SNX4: variants seen among roughly 807,000 people sequenced by gnomAD.
SNX4 encodes the protein sorting nexin-4.
A neutral mutation model predicts 70.8 loss-of-function variants in SNX4; 49 were observed. The ratio of observed to expected loss-of-function variants is 0.69; its 90% CI spans 0.55 to 0.88. SNX4 has a LOEUF of 0.88. Among genes scored for constraint, SNX4 ranks in the 40% least tolerant of loss-of-function variants. The pLI, the probability that SNX4 is intolerant of heterozygous loss-of-function variation, is 0.00. For synonymous variants in SNX4, 206 were observed against 183.8 expected, an observed-to-expected ratio of 1.12 and a Z score of -0.98; for missense variants, 528 against 544.8, an observed-to-expected ratio of 0.97 and a Z score of 0.31.
chr3:125,455,789 G>A (rs1014980501), intron 11 of SNX4, among the ~76,000 whole-genome samples: 7 of 152,062 alleles, frequency 4.6e-5, no homozygotes, highest in African/African-American at 1.2e-4. Flanking sequence ...CGAGGCGGGC[G>A]GATCACGAGG....
intron 6 of SNX4, among the ~76,000 whole-genome samples, chr3:125,487,010 G>C (rs1293470983): frequency 6.6e-6 from 1 of 152,112 alleles, no homozygotes; most frequent in African/African-American, 2.4e-5. Context: ...CCACTCACTT[G>C]CTCTTAACAG....
chr3:125,505,651 G>A (rs930066813), intron 1 of SNX4, among the ~76,000 whole-genome samples: 4 of 152,178 alleles, frequency 2.6e-5, no homozygotes, highest in African/African-American at 9.7e-5. Context: ...AGGCACAGAC[G>A]AAGTGGTGGT....
rs778518316 is a variant in SNX4, at chr3:125,464,564, C to CTTTTTT, written c.855-3710_855-3705dup. Among the ~76,000 whole-genome samples the CTTTTTT allele has an allele frequency of 1.6e-4, 11 of 67,054 alleles. 1 individual carries two copies. The highest frequency in any genetic ancestry group is 4.2e-4 in the Admixed American group (2 of 4,792). 44.0% of individuals were successfully genotyped at this position (67,054 alleles called of 152,430 possible). On this transcript the variant is annotated intron_variant, in intron 9 of 13. Coordinates refer to ENST00000251775, the MANE Select transcript of SNX4 (RefSeq NM_003794.4). ...CTGTTCCATTGATCTATTTATCTTT[C>CTTTTTT]TTTTTTTTTTTTTTTTTTTTTTTTT...
At chr3:125,496,474 C>G (rs561445619) in intron 5 of SNX4, among the ~76,000 whole-genome samples, 1 of 152,158 alleles carries the variant, frequency 6.6e-6, no homozygotes, top group South Asian at 2.1e-4. Context: ...AAATTTTCTT[C>G]TTCTTGTCTA....
intron 1 of SNX4, among the ~76,000 whole-genome samples, chr3:125,510,284 G>A (rs939023792): frequency 2.6e-5 from 4 of 151,056 alleles, no homozygotes; most frequent in Non-Finnish European, 5.9e-5. Context: ...CCAGGCTGGA[G>A]TGCAGTGGTG....
At chr3:125,469,629 C>T in intron 8 of SNX4, 110 bp from the exon 9 acceptor site, 3 of 736,388 alleles carry the variant, frequency 4.1e-6, no homozygotes, top group Non-Finnish European at 6.9e-6. Context: ...TAATGTATAG[C>T]ACCCGTATTT....
In SNX4 at chr3:125,471,344, C is replaced by CAAAAAAAAAAAAAAAAAAAAAAAAAAAAA. The variant is rs767432586; in HGVS notation, c.789-1826_789-1825insTTTTTTTTTTTTTTTTTTTTTTTTTTTTT. ...GGGCAACAAGAGCAAAGCTCCATCT[C>CAAAAAAAAAAAAAAAAAAAAAAAAAAAAA]AAAAAAAAAAAAAAAAAAAAAAAAA... On this transcript the variant is annotated intron_variant, in intron 8 of 13. Transcript: ENST00000251775. Among the ~76,000 whole-genome samples the CAAAAAAAAAAAAAAAAAAAAAAAAAAAAA allele has an allele frequency of 5.0e-4, 14 of 28,164 alleles. 3 individuals are homozygous for CAAAAAAAAAAAAAAAAAAAAAAAAAAAAA. The highest frequency in any genetic ancestry group is 2.0e-3 in the African/African-American group (11 of 5,458). The allele number at this position is 28,164 out of a possible 152,430, so 18.5% of individuals were successfully genotyped here.
chr3:125,498,090 T>C lies in SNX4; in HGVS notation c.368A>G (p.His123Arg). Reference protein sequence around the residue: ...LRSYLLVYYPHIVVPPLPEKR... With the variant: ...LRSYLLVYYPRIVVPPLPEKR... ...TTCTGGCAGAGGTGGCACAACAATA[T>C]GTGGATAGTAAACTAAAAGGTAGCT... Residue 123 changes from histidine to arginine, a missense_variant, in exon 3 of 14, where the codon CAT (histidine) becomes CGT (arginine). His to Arg is a conservative substitution (Grantham distance 29). Coordinates refer to ENST00000251775, the MANE Select transcript of SNX4 (RefSeq NM_003794.4). 1 of 1,614,184 alleles carries C rather than the reference T, an allele frequency of 6.2e-7. No homozygotes were observed. The highest frequency in any genetic ancestry group is 8.5e-7 in the Non-Finnish European group (1 of 1,180,018).
chr3:125,507,208 A>G lies in SNX4; in HGVS notation c.142-2464T>C, dbSNP rs1024566816. ...GGGTGATAGAAAAAAAAAAAAAAAAAAAAGAAACCAAAAAGAAATTCTGGA... is the reference window on the plus strand; with the variant it reads ...GGGTGATAGAAAAAAAAAAAAAAAAGAAAGAAACCAAAAAGAAATTCTGGA... On this transcript the variant is annotated intron_variant, in intron 1 of 13. Transcript: ENST00000251775. 4.7e-4 allele frequency among the ~76,000 whole-genome samples: 72 copies of G among 151,620 alleles called. No individual in the cohort carries two copies. The East Asian group carries it at 0.011, about 22-fold the overall frequency.
chr3:125,492,631 C>T (rs1934688241), intron 5 of SNX4, among the ~76,000 whole-genome samples: 1 of 152,180 alleles, frequency 6.6e-6, no homozygotes, highest in African/African-American at 2.4e-5. Context: ...CTTTATACTA[C>T]TTATCACTAT....
chr3:125,495,575 C>T (rs1261220207), intron 5 of SNX4, among the ~76,000 whole-genome samples: 3 of 150,414 alleles, frequency 2.0e-5, no homozygotes, highest in African/African-American at 7.5e-5. Flanking sequence ...TAAGGCTCCC[C>T]CACAATGAAA....
intron 10 of SNX4, among the ~76,000 whole-genome samples, chr3:125,458,706 C>A (rs1294940269): frequency 2.7e-5 from 4 of 149,176 alleles, no homozygotes; most frequent in Admixed American, 6.8e-5. Context: ...CCCAGCTACG[C>A]GGGAGGCTGA....
intron 1 of SNX4, among the ~76,000 whole-genome samples, chr3:125,510,395 A>AT (rs1935145325): frequency 6.6e-6 from 1 of 151,016 alleles, no homozygotes; most frequent in African/African-American, 2.4e-5. Context: ...ACGCCCGGCT[A>AT]TTTTTTTGTA....
At chr3:125,482,753 G>A (rs1209429301) in intron 6 of SNX4, among the ~76,000 whole-genome samples, 1 of 151,998 alleles carries the variant, frequency 6.6e-6, no homozygotes, top group African/African-American at 2.4e-5. Context: ...AAATAAAGAG[G>A]CAGTGGTGAA....
Position 125,495,277 on chromosome 3 carries a change from T to TATATATATATACAC in SNX4, c.597+2063_597+2064insGTGTATATATATAT. Among the ~76,000 whole-genome samples the TATATATATATACAC allele has an allele frequency of 5.6e-3, 560 of 99,498 alleles. 22 individuals are homozygous for TATATATATATACAC. Among genetic ancestry groups the TATATATATATACAC allele is most frequent in the Middle Eastern group, 0.017 (3 of 180 alleles). The allele number at this position is 99,498 out of a possible 152,430, so 65.3% of individuals were successfully genotyped here. Reference sequence around the variant, plus strand: ...ATATATATATATATATATATATATATACACATACACACACACACACGTATG... The same window carrying TATATATATATACAC: ...ATATATATATATATATATATATATATATATATATATACACACACATACACACACACACACGTATG... On this transcript the variant is annotated intron_variant, in intron 5 of 13. Transcript: ENST00000251775.
At chr3:125,464,781 C>T (rs1467513070) in intron 9 of SNX4, among the ~76,000 whole-genome samples, 1 of 151,916 alleles carries the variant, frequency 6.6e-6, no homozygotes. Flanking sequence ...CTTGCTCTGT[C>T]ACCCAGGTTG....
chr3:125,467,971 C>G (rs1458211586), intron 9 of SNX4, among the ~76,000 whole-genome samples: 2 of 152,024 alleles, frequency 1.3e-5, no homozygotes, highest in Non-Finnish European at 2.9e-5. Flanking sequence ...TTCACAATAG[C>G]GAAGACATGG....
intron 1 of SNX4, among the ~76,000 whole-genome samples, chr3:125,514,454 T>C (rs1471458321): frequency 6.6e-6 from 1 of 150,698 alleles, no homozygotes; most frequent in Non-Finnish European, 1.5e-5. Flanking sequence ...TGCAGTGGCA[T>C]GATCACAGCT....
At chr3:125,519,342 A>G (rs992150803) in intron 1 of SNX4, among the ~76,000 whole-genome samples, 2 of 152,200 alleles carry the variant, frequency 1.3e-5, no homozygotes, top group Non-Finnish European at 2.9e-5. Flanking sequence ...ACTAATTACT[A>G]AAGGGTCTTC....
Sources: allele counts gnomAD v4.1 joint callset (sites outside exome capture counted in the v4.1 genomes callset), GRCh38; gene constraint gnomAD v4.1.1; transcripts MANE v1.5; gene names NCBI Gene and HGNC (gene_info 2026-07-23, HGNC 2026-07-21).